PGBD5: variants seen among roughly 807,000 people sequenced by gnomAD.
The protein encoded by PGBD5 is piggyBac transposable element derived 5.
PGBD5 carries 14 observed loss-of-function variants against 47.9 expected under a neutral mutation model. That is an observed-to-expected ratio of 0.29 (90% CI 0.19 to 0.46). PGBD5 has a LOEUF of 0.46. PGBD5 is among the 20% of genes least tolerant of loss of function. The pLI, the probability that PGBD5 is intolerant of heterozygous loss-of-function variation, is 1.00. For missense variants in PGBD5, 635 were observed against 716.0 expected (o/e 0.89, Z 1.29); for synonymous variants, 316 against 306.3 (o/e 1.03, Z -0.33).
At chr1:230,327,360 C>A (rs1306218356) in intron 5 of PGBD5, among the ~76,000 whole-genome samples, 5 of 152,222 alleles carry the variant, frequency 3.3e-5, no homozygotes, top group African/African-American at 1.2e-4. Flanking sequence ...CCACAACTCT[C>A]ACTGAGGGAC....
At chr1:230,336,152 GC>G (rs1409930460) in intron 4 of PGBD5, 1 of 152,202 alleles carries the variant, frequency 6.6e-6, no homozygotes, top group Non-Finnish European at 1.5e-5. Context: ...TGGGTACTGT[GC>G]TTCAGGGCCA....
intron 1 of PGBD5, among the ~76,000 whole-genome samples, chr1:230,411,227 G>A (rs1350472805): frequency 2.6e-5 from 4 of 152,196 alleles, no homozygotes; most frequent in East Asian, 3.8e-4. Context: ...AGGCTGCAGT[G>A]TGCCATGATC....
chr1:230,361,374 C>T (rs769584828), intron 1 of PGBD5, among the ~76,000 whole-genome samples: 10 of 152,038 alleles, frequency 6.6e-5, no homozygotes, highest in Non-Finnish European at 7.4e-5. Flanking sequence ...GGGTGTGCCT[C>T]GGTGTCTGGG....
rs1666933921 is a variant in PGBD5, at chr1:230,315,956, AAGTATATG to A, written c.*7461_*7468del. On this transcript the variant is annotated 3_prime_UTR_variant, in exon 7 of 7. Coordinates refer to ENST00000391860, the MANE Select transcript of PGBD5 (RefSeq NM_001258311.2). ...CATATATGTATGTGTATACATACATAAGTATATGTGTACACATATATGTATGTGTATAC... is the reference window on the plus strand; with the variant it reads ...CATATATGTATGTGTATACATACATATGTACACATATATGTATGTGTATAC... 1 of 98,496 alleles carries A rather than the reference AAGTATATG, an allele frequency of 1.0e-5. No individual in the cohort carries two copies. Among genetic ancestry groups the A allele is most frequent in the Admixed American group, 1.1e-4 (1 of 9,224 alleles). The allele number at this position is 98,496 out of a possible 1,614,324, so 6.1% of individuals were successfully genotyped here. A position where few individuals can be genotyped will look rare whatever the true frequency, so the allele number is the denominator to read the frequency against.
At chr1:230,347,476 CTTTTTTTTTTT>C (rs71733326) in intron 3 of PGBD5, among the ~76,000 whole-genome samples, 1 of 113,454 alleles carries the variant, frequency 8.8e-6, no homozygotes, top group Non-Finnish European at 1.8e-5. Context: ...ATTTTCTTTT[CTTTTTTTTTTT>C]TTTTTTTTTG....
rs917138071 is a variant in PGBD5 at position 230,332,967 on chromosome 1, G to C, written c.1150C>G (p.Pro384Ala). ...TGLPLSMLTN[P>A]ATPPARGQYQ... ...TGGCCCCGGGCCGGGGGTGTGGCTG[G>C]GTTGGTCAGCATGGACAGTGGGAGG... Residue 384 changes from proline (P) to alanine (A), a missense_variant, in exon 5 of 7, where the codon CCA becomes GCA. Transcript: ENST00000391860. The C allele has an allele frequency of 1.2e-6, 2 of 1,614,062 alleles. No homozygotes were observed. Among genetic ancestry groups the C allele is most frequent in the Non-Finnish European group, 1.7e-6 (2 of 1,179,932 alleles).
chr1:230,379,631 G>A (rs1668062407), intron 1 of PGBD5, among the ~76,000 whole-genome samples: 1 of 152,168 alleles, frequency 6.6e-6, no homozygotes, highest in Non-Finnish European at 1.5e-5. Flanking sequence ...TTGTTAACTG[G>A]TCATCTTCCA....
chr1:230,419,707 A>C (rs2102755417), intron 1 of PGBD5, among the ~76,000 whole-genome samples: 1 of 152,314 alleles, frequency 6.6e-6, no homozygotes, highest in African/African-American at 2.4e-5. Flanking sequence ...CAAAGGCATA[A>C]AAAGGTACAT....
intron 1 of PGBD5, among the ~76,000 whole-genome samples, chr1:230,419,341 A>T (rs1348352215): frequency 3.3e-5 from 5 of 152,222 alleles, no homozygotes; most frequent in African/African-American, 1.2e-4. Context: ...GTCACTTAGA[A>T]ATGGGAGTTA....
At chr1:230,346,321 G>A (rs1018077437) in intron 3 of PGBD5, among the ~76,000 whole-genome samples, 2 of 152,176 alleles carry the variant, frequency 1.3e-5, no homozygotes, top group East Asian at 1.9e-4. Context: ...GATTACAGGT[G>A]TGAGCCACTG....
At chr1:230,373,929 C>T (rs1237248478) in intron 1 of PGBD5, among the ~76,000 whole-genome samples, 2 of 152,156 alleles carry the variant, frequency 1.3e-5, no homozygotes, top group African/African-American at 4.8e-5. Flanking sequence ...AACTCCCAGA[C>T]TCAAGCAATC....
intron 5 of PGBD5, 27 bp from the exon 6 acceptor site, chr1:230,325,442 C>A: frequency 2.6e-6 from 4 of 1,541,578 alleles, no homozygotes; most frequent in Non-Finnish European, 3.6e-6. Flanking sequence ...AGATAAGCCC[C>A]TTCCTCAGCA....
At chr1:230,384,082 G>A (rs370600300) in intron 1 of PGBD5, among the ~76,000 whole-genome samples, 18 of 152,216 alleles carry the variant, frequency 1.2e-4, no homozygotes, top group Non-Finnish European at 2.1e-4. Context: ...CTGCACAGAC[G>A]GAAAGATTCC....
rs1484741481 is a variant in PGBD5 at position 230,319,046 on chromosome 1, G to GT, written c.*4378dup. On this transcript the variant is annotated 3_prime_UTR_variant, in exon 7 of 7. Coordinates refer to ENST00000391860, the MANE Select transcript of PGBD5 (RefSeq NM_001258311.2). ...AGAAAATCCCCCACAAAGTTGTCAG[G>GT]TAAGTCAGGGATAAAATCCCCCGTC... is the stretch of plus-strand genomic sequence containing the variant. The GT allele has an allele frequency of 6.6e-6, 1 of 152,306 alleles. No homozygotes were observed. The highest frequency in any genetic ancestry group is 1.5e-5 in the Non-Finnish European group (1 of 68,090). The allele number at this position is 152,306 out of a possible 1,614,324, so 9.4% of individuals were successfully genotyped here.
intron 1 of PGBD5, among the ~76,000 whole-genome samples, chr1:230,418,409 T>C (rs1378945686): frequency 6.6e-6 from 1 of 152,200 alleles, no homozygotes; most frequent in Non-Finnish European, 1.5e-5. Context: ...AATTAAGTAT[T>C]GGTGATGAAC....
At chr1:230,327,335 A>G (rs1295490206) in intron 5 of PGBD5, among the ~76,000 whole-genome samples, 1 of 152,040 alleles carries the variant, frequency 6.6e-6, no homozygotes, top group African/African-American at 2.4e-5. Flanking sequence ...ATCTGGGGCC[A>G]GCCCCCTCCC....
Position 230,357,108 on chromosome 1 carries a change from C to A in PGBD5, c.545G>T (p.Cys182Phe), listed in dbSNP as rs776274272. The A allele has an allele frequency of 1.2e-6, 2 of 1,614,050 alleles. No homozygotes were observed. Among genetic ancestry groups the A allele is most frequent in the African/African-American group, 2.7e-5 (2 of 74,902 alleles). ...GCTCCAGATGCTGAGGACGGACTCG[C>A]AGTGGGAGATGCTGGTGGAGATCAT... ...GYMISTSISH[C>F]ESVLSIWSGG... The change falls in exon 2 of 7, where the codon TGC becomes TTC. Residue 182 changes from cysteine (C) to phenylalanine (F), a missense_variant. Cys to Phe is a radical substitution (Grantham distance 205). Coordinates refer to ENST00000391860, the MANE Select transcript of PGBD5 (RefSeq NM_001258311.2). The surrounding 1 kb of genome is among the most constrained non-coding windows in gnomAD (Gnocchi z 5.7).
At chr1:230,389,853 G>C (rs1558208344) in intron 1 of PGBD5, among the ~76,000 whole-genome samples, 2 of 152,162 alleles carry the variant, frequency 1.3e-5, no homozygotes, top group Non-Finnish European at 2.9e-5. Context: ...TGGAAGAATG[G>C]AATGTTTGCA....
In PGBD5 at chr1:230,316,514, T is replaced by G. The variant is rs1666952837; in HGVS notation, c.*6911A>C. The G allele has an allele frequency of 6.6e-6, 1 of 152,116 alleles. No individual in the cohort carries two copies. Among genetic ancestry groups the G allele is most frequent in the African/African-American group, 2.4e-5 (1 of 41,402 alleles). 9.4% of individuals were successfully genotyped at this position (152,116 alleles called of 1,614,324 possible). ...TGGTCTACCCACTGGGAGGGAGCGCTCAAGGGGGAAACTAGAAGTTTTAAA... is the reference window on the plus strand; with the variant it reads ...TGGTCTACCCACTGGGAGGGAGCGCGCAAGGGGGAAACTAGAAGTTTTAAA... On this transcript the variant is annotated 3_prime_UTR_variant, in exon 7 of 7. Coordinates refer to ENST00000391860, the MANE Select transcript of PGBD5 (RefSeq NM_001258311.2).
Sources: allele counts gnomAD v4.1 joint callset (sites outside exome capture counted in the v4.1 genomes callset), GRCh38; gene constraint gnomAD v4.1.1; non-coding constraint Gnocchi (gnomAD v3.1); transcripts MANE v1.5; gene names NCBI Gene and HGNC (gene_info 2026-07-23, HGNC 2026-07-21).